The following ANO1 variants were observed in gnomAD, a reference collection of about 807,000 sequenced individuals.
ANO1 encodes anoctamin 1.
ANO1 carries 59 observed loss-of-function variants against 124.0 expected under a neutral mutation model. The observed-to-expected ratio is 0.48, with a 90% CI of 0.39 to 0.59. ANO1 has a LOEUF of 0.59. Among genes scored for constraint, ANO1 ranks in the 20% least tolerant of loss-of-function variants. The pLI is 0.00. For synonymous variants in ANO1, 529 were observed against 532.0 expected, an observed-to-expected ratio of 0.99 and a Z score of 0.08; for missense variants, 1,059 against 1,328.0, an observed-to-expected ratio of 0.80 and a Z score of 3.15.
chr11:70,026,789 T>A lies in ANO1; in HGVS notation c.58+40623T>A, dbSNP rs116308794. On this transcript the variant is annotated intron_variant, in intron 1 of 27. Coordinates refer to the ANO1 transcript ENST00000531349. ...ATCCTGCACCTCCCCAGCTCTCGAC[T>A]CTCCAAAGGCCCTGCCTGGTCTGGC... is the stretch of plus-strand genomic sequence containing the variant. Among the ~76,000 whole-genome samples the A allele has an allele frequency of 5.5e-3, 842 of 152,218 alleles. 9 individuals are homozygous for A. Among genetic ancestry groups the A allele is most frequent in the African/African-American group, 0.019 (792 of 41,496 alleles).
chr11:70,160,293 C>T (rs2047993451), intron 16 of ANO1, among the ~76,000 whole-genome samples: 1 of 152,090 alleles, frequency 6.6e-6, no homozygotes, highest in Non-Finnish European at 1.5e-5. Flanking sequence ...CTTCTCCTGC[C>T]CAGCCCTCGG....
At chr11:70,117,332 A>C (rs1261833086) in intron 8 of ANO1, among the ~76,000 whole-genome samples, 1 of 151,592 alleles carries the variant, frequency 6.6e-6, no homozygotes, top group Non-Finnish European at 1.5e-5. Flanking sequence ...TAGCCTCCCA[A>C]AGTGCTGGGA....
At chr11:70,184,061 A>T (rs926835550) in intron 24 of ANO1, among the ~76,000 whole-genome samples, 4 of 152,154 alleles carry the variant, frequency 2.6e-5, no homozygotes, top group African/African-American at 9.7e-5. Flanking sequence ...CCCTTCTCCT[A>T]GCCTCCCCGA....
At chr11:70,086,592 C>T (rs1018009011) in intron 1 of ANO1, among the ~76,000 whole-genome samples, 1 of 152,130 alleles carries the variant, frequency 6.6e-6, no homozygotes, top group Non-Finnish European at 1.5e-5. Context: ...CCGCAGGCCA[C>T]GTGTGGGGAA....
intron 1 of ANO1, among the ~76,000 whole-genome samples, chr11:70,022,617 AG>A (rs1345328103): frequency 1.3e-5 from 2 of 151,348 alleles, no homozygotes; most frequent in African/African-American, 4.9e-5. Flanking sequence ...AAAAAAAAAA[AG>A]AATGCAAGAG....
At chr11:70,008,637 C>G (rs1856537585) in intron 1 of ANO1, among the ~76,000 whole-genome samples, 1 of 101,938 alleles carries the variant, frequency 9.8e-6, no homozygotes, top group Non-Finnish European at 1.9e-5. Flanking sequence ...TGTTTTACTC[C>G]TTTAGCTCTT....
chr11:70,012,586 C>A (rs938549467), intron 1 of ANO1, among the ~76,000 whole-genome samples: 14 of 149,736 alleles, frequency 9.3e-5, no homozygotes, highest in African/African-American at 3.5e-4. Flanking sequence ...ATTCATCTGG[C>A]AATCTATTCA....
In ANO1 at chr11:70,156,940, G is replaced by A. The variant is rs764037899; in HGVS notation, c.1504-7G>A. On this transcript the variant is annotated splice_region_variant and splice_polypyrimidine_tract_variant and intron_variant, in intron 15 of 25. Coordinates refer to ENST00000355303, the MANE Select transcript of ANO1 (RefSeq NM_018043.7). ...CAGACAGTGACCGGCATTGTTTTGTGTTGTAGACTGACAAAGTGAAGCTGA... is the reference window on the plus strand; with the variant it reads ...CAGACAGTGACCGGCATTGTTTTGTATTGTAGACTGACAAAGTGAAGCTGA... The A allele has an allele frequency of 1.2e-6, 2 of 1,613,154 alleles. No individual in the cohort carries two copies. The highest frequency in any genetic ancestry group is 1.1e-5 in the South Asian group (1 of 90,862).
chr11:70,077,658 G>C (rs141765665), upstream of ANO1, among the ~76,000 whole-genome samples: 528 of 152,346 alleles, frequency 3.5e-3, 3 homozygotes, highest in African/African-American at 0.012. Context: ...CCCCACCTCA[G>C]AGGATGCGGA....
intron 1 of ANO1, among the ~76,000 whole-genome samples, chr11:70,061,144 G>T (rs140512509): frequency 1.3e-5 from 2 of 152,060 alleles, no homozygotes; most frequent in African/African-American, 4.8e-5. Context: ...GGATTATACC[G>T]AGATAGGTAA....
intron 17 of ANO1, 122 bp downstream of exon 17, chr11:70,161,484 T>A: frequency 7.2e-7 from 1 of 1,385,372 alleles, no homozygotes; most frequent in Non-Finnish European, 1.0e-6. Context: ...TGGTTCTCAA[T>A]GGGTATCCTG....
At chr11:70,053,324 G>A (rs61886433) in intron 1 of ANO1, among the ~76,000 whole-genome samples, 1,998 of 152,256 alleles carry the variant, frequency 0.013, 16 homozygotes, top group South Asian at 0.016. Flanking sequence ...TTGAATAGGA[G>A]TGGACGTGGC....
intron 1 of ANO1, among the ~76,000 whole-genome samples, chr11:70,032,855 A>G (rs1857026964): frequency 6.7e-6 from 1 of 150,326 alleles, no homozygotes; most frequent in Non-Finnish European, 1.5e-5. Context: ...GAGGGAAAGT[A>G]GAAGGGTGGA....
intron 1 of ANO1, chr11:70,015,652 G>C (rs781997201): frequency 6.6e-6 from 1 of 152,326 alleles, no homozygotes; most frequent in African/African-American, 2.4e-5. Context: ...TTTTGCCCAA[G>C]CTGTCTTCTC....
chr11:70,142,142 C>G (rs1451599172), intron 11 of ANO1, among the ~76,000 whole-genome samples: 1 of 152,202 alleles, frequency 6.6e-6, no homozygotes, highest in Non-Finnish European at 1.5e-5. Flanking sequence ...TCACTTGGAT[C>G]CATTTTCTGA....
the ANO1 span, among the ~76,000 whole-genome samples, chr11:69,979,039 G>A: frequency 2.0e-5 from 3 of 152,060 alleles, no homozygotes; most frequent in East Asian, 1.9e-4. Context: ...CGAGCGATGC[G>A]GGCAACCTCT....
chr11:70,144,907 G>A (rs1326133316), intron 11 of ANO1, among the ~76,000 whole-genome samples: 7 of 152,174 alleles, frequency 4.6e-5, no homozygotes, highest in Non-Finnish European at 8.8e-5. Flanking sequence ...GGAGTGCGTC[G>A]TCCCTGCGTG....
At chr11:70,102,015 G>A (rs1235101915) in intron 2 of ANO1, among the ~76,000 whole-genome samples, 1 of 152,228 alleles carries the variant, frequency 6.6e-6, no homozygotes, top group South Asian at 2.1e-4. Context: ...CAGGAAGGCC[G>A]ACTGATGTGA....
At chr11:70,014,291 G>A (rs902874) in intron 1 of ANO1, among the ~76,000 whole-genome samples, 68,287 of 114,822 alleles carry the variant, frequency 0.59, 18,106 homozygotes, top group East Asian at 0.9. Flanking sequence ...CAAGGACAAC[G>A]TGCAGGAGCT....
Sources: gnomAD v4.1 joint callset for allele counts (sites outside exome capture counted in the v4.1 genomes callset) on GRCh38, gnomAD v4.1.1 for gene constraint, MANE v1.5 for transcripts, NCBI Gene and HGNC (gene_info 2026-07-23, HGNC 2026-07-21) for gene names.